The following MECOM variants were observed in gnomAD, a reference collection of about 807,000 sequenced individuals.
MECOM encodes histone-lysine N-methyltransferase MECOM.
In MECOM, 13 loss-of-function variants were observed where a neutral mutation model predicts 116.3. The ratio of observed to expected loss-of-function variants is 0.11; its 90% CI spans 0.07 to 0.18. The LOEUF (loss-of-function observed/expected upper bound fraction) is 0.18, where lower values mean the gene tolerates loss of function less well. Ranked by LOEUF, MECOM falls within the 10% of genes least tolerant of loss-of-function variation. MECOM has a pLI of 1.00. For synonymous variants in MECOM, 528 were observed against 535.2 expected (o/e 0.99, Z 0.19); for missense variants, 1,299 against 1,509.0 (o/e 0.86, Z 2.31).
At chr3:169,251,914 A>G (rs1404279464) in intron 2 of MECOM, among the ~76,000 whole-genome samples, 3 of 152,206 alleles carry the variant, frequency 2.0e-5, no homozygotes, top group Non-Finnish European at 4.4e-5. Flanking sequence ...AATCCAAACC[A>G]TATATTACAA....
At chr3:169,447,973 G>A (rs1744927096) in intron 1 of MECOM, 1 of 152,268 alleles carries the variant, frequency 6.6e-6, no homozygotes, top group South Asian at 2.1e-4. Flanking sequence ...CTTGTTTGTG[G>A]TGCTAAATGG....
intron 1 of MECOM, among the ~76,000 whole-genome samples, chr3:169,480,042 T>G (rs1578217593): frequency 6.6e-6 from 1 of 152,236 alleles, no homozygotes; most frequent in Non-Finnish European, 1.5e-5. Flanking sequence ...ACAATGGACT[T>G]TTTTCTACAT....
intron 1 of MECOM, among the ~76,000 whole-genome samples, chr3:169,465,711 CA>C: frequency 6.6e-6 from 1 of 152,104 alleles, no homozygotes; most frequent in East Asian, 1.9e-4. Context: ...ACTTTCTCAC[CA>C]TAAGAAAATC....
At chr3:169,216,576 G>T (rs1198162754) in intron 2 of MECOM, among the ~76,000 whole-genome samples, 1 of 109,790 alleles carries the variant, frequency 9.1e-6, no homozygotes, top group Admixed American at 9.0e-5. Flanking sequence ...ACCTTCTCTA[G>T]TAAAAAAAAA....
intron 2 of MECOM, among the ~76,000 whole-genome samples, chr3:169,314,597 T>C (rs1244297733): frequency 1.3e-5 from 2 of 150,778 alleles, no homozygotes; most frequent in Non-Finnish European, 3.0e-5. Flanking sequence ...AAGAAGAGAA[T>C]GAAGAGAGGA....
intron 1 of MECOM, among the ~76,000 whole-genome samples, chr3:169,529,697 T>C (rs559498247): frequency 6.6e-6 from 1 of 152,318 alleles, no homozygotes; most frequent in East Asian, 1.9e-4. Context: ...TTTTCTTTGT[T>C]CGTTTGTTTT....
chr3:169,514,254 G>A (rs1364017927), intron 1 of MECOM, among the ~76,000 whole-genome samples: 2 of 151,520 alleles, frequency 1.3e-5, no homozygotes, highest in African/African-American at 4.9e-5. Flanking sequence ...AGTAGGAAAA[G>A]ACACACTAAC....
chr3:169,512,566 A>G (rs1756110874), intron 1 of MECOM, among the ~76,000 whole-genome samples: 1 of 152,234 alleles, frequency 6.6e-6, no homozygotes, highest in Non-Finnish European at 1.5e-5. Flanking sequence ...TCTCAGCCCT[A>G]GCTACTTCCC....
At chr3:169,362,470 A>G (rs997714741) in intron 2 of MECOM, among the ~76,000 whole-genome samples, 1 of 151,934 alleles carries the variant, frequency 6.6e-6, no homozygotes, top group African/African-American at 2.4e-5. Context: ...TGTATCACAC[A>G]GCCTCCCTGA....
At chr3:169,482,263 C>A (rs1026658013) in intron 1 of MECOM, among the ~76,000 whole-genome samples, 1 of 151,884 alleles carries the variant, frequency 6.6e-6, no homozygotes, top group Non-Finnish European at 1.5e-5. Context: ...CGTGTACTCG[C>A]CTGTGTCATT....
chr3:169,554,146 C>G (rs1761748837), intron 1 of MECOM, among the ~76,000 whole-genome samples: 1 of 152,198 alleles, frequency 6.6e-6, no homozygotes, highest in South Asian at 2.1e-4. Context: ...GCCTTCCATG[C>G]TGTTTCCCCA....
intron 2 of MECOM, chr3:169,149,679 A>G (rs903306831): frequency 6.1e-6 from 3 of 491,794 alleles, no homozygotes; most frequent in African/African-American, 3.9e-5. Context: ...AGAGAAGGCT[A>G]TTCCTACGTC....
intron 1 of MECOM, among the ~76,000 whole-genome samples, chr3:169,423,385 T>C (rs1036807332): frequency 4.6e-5 from 7 of 152,124 alleles, no homozygotes; most frequent in African/African-American, 1.7e-4. Flanking sequence ...TGTTAAAAAG[T>C]TTTATGTTTC....
At chr3:169,227,809 A>T (rs1752920874) in intron 2 of MECOM, among the ~76,000 whole-genome samples, 1 of 152,238 alleles carries the variant, frequency 6.6e-6, no homozygotes, top group South Asian at 2.1e-4. Context: ...ATGTGTTTTC[A>T]GAAGTGGGAA....
intron 1 of MECOM, among the ~76,000 whole-genome samples, chr3:169,472,653 GAAAA>G (rs1393872276): frequency 0.058 from 4,070 of 69,870 alleles, 455 homozygotes; most frequent in South Asian, 0.12. Context: ...GAAAGGAAAA[GAAAA>G]GAAAGGAAAG....
chr3:169,355,799 C>T (rs1004683573), intron 2 of MECOM, among the ~76,000 whole-genome samples: 1 of 151,610 alleles, frequency 6.6e-6, no homozygotes, highest in African/African-American at 2.4e-5. Flanking sequence ...GATATAAATA[C>T]CATATAGCAG....
At chr3:169,180,961 A>G (rs978012948) in intron 2 of MECOM, among the ~76,000 whole-genome samples, 1 of 151,892 alleles carries the variant, frequency 6.6e-6, no homozygotes, top group South Asian at 2.1e-4. Flanking sequence ...TTATGTAGGA[A>G]GTGAAACTAA....
intron 1 of MECOM, among the ~76,000 whole-genome samples, chr3:169,567,821 T>G (rs7620590): frequency 0.21 from 31,772 of 152,120 alleles, 4,415 homozygotes; most frequent in East Asian, 0.68. Flanking sequence ...ATATCTGTAC[T>G]CAGAGGTGGT....
intron 1 of MECOM, among the ~76,000 whole-genome samples, chr3:169,394,710 T>C (rs1445252539): frequency 2.0e-5 from 3 of 152,174 alleles, no homozygotes; most frequent in Non-Finnish European, 4.4e-5. Flanking sequence ...ATGCTTAACA[T>C]GTCAGGTTTT....
Sources: allele counts gnomAD v4.1 joint callset (sites outside exome capture counted in the v4.1 genomes callset), GRCh38; gene constraint gnomAD v4.1.1; transcripts MANE v1.5; gene names NCBI Gene and HGNC (gene_info 2026-07-23, HGNC 2026-07-21).